TRIOBP: variants seen among roughly 807,000 people sequenced by gnomAD.
TRIOBP encodes the protein TRIO and F-actin binding protein, also known as TRIO and F-actin-binding protein.
Under a neutral mutation model 238.8 loss-of-function variants are expected in TRIOBP, and 169 were observed. The ratio of observed to expected loss-of-function variants is 0.71; its 90% confidence interval spans 0.62 to 0.80. TRIOBP has a LOEUF of 0.80. Among genes scored for constraint, TRIOBP ranks in the 30% least tolerant of loss-of-function variants. The pLI is 0.00. For synonymous variants in TRIOBP, 1,150 were observed against 1,274.4 expected, an observed-to-expected ratio of 0.90 and a Z score of 2.08; for missense variants, 2,838 against 3,122.6, an observed-to-expected ratio of 0.91 and a Z score of 2.17.
In TRIOBP at chr22:37,759,183, G is replaced by A. The variant is rs749289977; in HGVS notation, c.6243G>A (p.Ala2081=). 19 of 1,612,766 alleles carry A rather than the reference G, an allele frequency of 1.2e-5. No homozygotes were observed. The highest frequency in any genetic ancestry group is 1.1e-4 in the African/African-American group (8 of 74,884). The change falls in exon 17 of 24, where the codon GCG becomes GCA. Residue 2081 remains alanine, a synonymous_variant. Transcript: ENST00000644935. The part of the protein sequence containing the change: ...EVQALRAQLE[A]WRLQGEAPQS... ...AGGCTCTTCGGGCCCAGCTGGAGGC[G>A]TGGCGTCTCCAAGGGGAGGCTCCTC...
At chr22:37,758,171 C>A (rs1211299494) in intron 16 of TRIOBP, 33 bp downstream of exon 16, 9 of 1,608,504 alleles carry the variant, frequency 5.6e-6, no homozygotes, top group Non-Finnish European at 6.8e-6. Flanking sequence ...TAGGAGGCCC[C>A]TTGCCCCAGC....
At chr22:37,746,177 G>T (rs1395500769) in intron 11 of TRIOBP, 1 of 992,814 alleles carries the variant, frequency 1.0e-6, no homozygotes, top group Non-Finnish European at 1.2e-6. Context: ...CGGCTTCCCC[G>T]CCACCCATTG....
intron 6 of TRIOBP, among the ~76,000 whole-genome samples, chr22:37,717,828 T>A (rs1003225917): frequency 6.6e-6 from 1 of 152,204 alleles, no homozygotes; most frequent in African/African-American, 2.4e-5. Context: ...GCCAGTCCCA[T>A]GCCATGCGCC....
chr22:37,764,232 T>C (rs1926378138), intron 17 of TRIOBP, among the ~76,000 whole-genome samples: 3 of 152,344 alleles, frequency 2.0e-5, no homozygotes, highest in South Asian at 2.1e-4. Flanking sequence ...GGGAGTAAGA[T>C]GTGGACAACT....
At chr22:37,773,571 C>T (rs1390824527) in intron 23 of TRIOBP, among the ~76,000 whole-genome samples, 1 of 152,292 alleles carries the variant, frequency 6.6e-6, no homozygotes, top group South Asian at 2.1e-4. Flanking sequence ...GGAGCATCCT[C>T]TTTCTGATAA....
chr22:37,765,836 G>GT lies in TRIOBP; in HGVS notation c.6472+19_6472+20insT. On this transcript the variant is annotated intron_variant, in intron 18 of 23. Coordinates refer to ENST00000644935, the MANE Select transcript of TRIOBP (RefSeq NM_001039141.3). ...GCCTCAGGTATGGACCCTGGGGGGG[G>GT]CACAGTGGGCTGGGCTCTGAGCCTC... 1 of 1,584,448 alleles carries GT rather than the reference G, an allele frequency of 6.3e-7. No homozygotes were observed. Among genetic ancestry groups the GT allele is most frequent in the Non-Finnish European group, 8.5e-7 (1 of 1,169,728 alleles).
intron 3 of TRIOBP, among the ~76,000 whole-genome samples, chr22:37,704,219 A>G (rs1922806213): frequency 1.3e-5 from 2 of 152,114 alleles, no homozygotes; most frequent in South Asian, 4.1e-4. Flanking sequence ...CCATCTCTAC[A>G]AAAAATTTAA....
At position 37,734,942 on chromosome 22, in the gene TRIOBP, G is replaced by C. The variant is rs2145842740; in HGVS notation, c.4606G>C (p.Ala1536Pro). The C allele has an allele frequency of 1.9e-6, 3 of 1,613,450 alleles. No individual in the cohort carries two copies. Among genetic ancestry groups the C allele is most frequent in the Non-Finnish European group, 2.5e-6 (3 of 1,180,018 alleles). Residue 1536 changes from alanine to proline, a missense_variant, in exon 9 of 24, where the codon GCT becomes CCT. Coordinates refer to ENST00000644935, the MANE Select transcript of TRIOBP (RefSeq NM_001039141.3). ...SQSWHSGTPTAVGWGAEGACP... is the reference protein window; with the variant it reads ...SQSWHSGTPTPVGWGAEGACP... Reference sequence around the variant, plus strand: ...ATCCTGGCACTCTGGGACACCCACTGCTGTGGGCTGGGGGGCAGAGGGAGC... The same window carrying C: ...ATCCTGGCACTCTGGGACACCCACTCCTGTGGGCTGGGGGGCAGAGGGAGC...
chr22:37,708,897 G>A (rs1923090547), intron 3 of TRIOBP, among the ~76,000 whole-genome samples: 1 of 152,316 alleles, frequency 6.6e-6, no homozygotes, highest in Non-Finnish European at 1.5e-5. Flanking sequence ...GGGTGGTGAC[G>A]GGGGCTGGGG....
chr22:37,751,674 C>A, intron 11 of TRIOBP, 98 bp from the exon 12 acceptor site: 1 of 1,419,438 alleles, frequency 7.0e-7, no homozygotes, highest in Non-Finnish European at 9.9e-7. Context: ...CTCGGTCCCA[C>A]AGGACTTGGG....
intron 3 of TRIOBP, among the ~76,000 whole-genome samples, chr22:37,707,728 G>C (rs1220444086): frequency 6.7e-6 from 1 of 149,632 alleles, no homozygotes; most frequent in Non-Finnish European, 1.5e-5. Flanking sequence ...GATCACCTGA[G>C]GTCAGGAGTT....
chr22:37,763,974 A>T (rs1240278098), intron 17 of TRIOBP, among the ~76,000 whole-genome samples: 1 of 152,102 alleles, frequency 6.6e-6, no homozygotes, highest in Non-Finnish European at 1.5e-5. Context: ...TCATCTTCAA[A>T]GCCTGCAGAG....
rs541288211 is a variant in TRIOBP, at chr22:37,724,909, A to G, written c.2353A>G (p.Arg785Gly). The change falls in exon 7 of 24, where the codon AGA (arginine) becomes GGA (glycine). Residue 785 changes from arginine (R) to glycine (G), a missense_variant. This residue lies in a region of TRIOBP where 2,096 missense variants were observed against 2,137.4 expected (regional missense o/e 0.98). Transcript: ENST00000644935. ...CAATCCCAGGACCTCCTCTCCCAAT[A>G]GAGCCACACGAGACAACCCCAGAAC... The part of the protein sequence containing the change: ...QDNPRTSSPN[R>G]ATRDNPRTSC... The G allele has an allele frequency of 1.2e-6, 2 of 1,612,830 alleles. No individual in the cohort carries two copies. Among genetic ancestry groups the G allele is most frequent in the East Asian group, 4.5e-5 (2 of 44,744 alleles).
Position 37,758,095 on chromosome 22 carries a change from G to A in TRIOBP, c.6170G>A (p.Arg2057His), listed in dbSNP as rs377068258. 93 of 1,611,342 alleles carry A rather than the reference G, an allele frequency of 5.8e-5. 1 individual carries two copies. In the Middle Eastern group the frequency reaches 6.6e-4, roughly 11 times the overall value. The change falls in exon 16 of 24, where the codon CGC becomes CAC. Residue 2057 changes from arginine to histidine, a missense_variant. Arg to His is a conservative substitution (Grantham distance 29, BLOSUM62 0). This residue lies in a region of TRIOBP where 2,096 missense variants were observed against 2,137.4 expected (regional missense o/e 0.98). Transcript: ENST00000644935. ...CTGCTCAACCAAAGCCGCGGAGAGC[G>A]CCGAGGGCCCCCAAGTGACGGCCAC... is the stretch of plus-strand genomic sequence containing the variant. ...TALLNQSRGE[R>H]RGPPSDGHEA...
At position 37,734,438 on chromosome 22, in the gene TRIOBP, C is replaced by T. The variant is rs781187217; in HGVS notation, c.4102C>T (p.Arg1368Trp). The T allele has an allele frequency of 1.1e-5, 17 of 1,613,114 alleles. No homozygotes were observed. The highest frequency in any genetic ancestry group is 1.7e-5 in the Admixed American group (1 of 59,982). ...TGCCAAACAGGCAGAACTGACCCGG[C>T]GGAGCCAAGCAGAGCCCCCTCATCC... ...LPAKQAELTR[R>W]SQAEPPHPWS... The change falls in exon 9 of 24, where the codon CGG (arginine) becomes TGG (tryptophan). Residue 1368 changes from arginine (R) to tryptophan (W), a missense_variant. By Grantham distance (101) the Arg-to-Trp change is moderately radical (BLOSUM62 -3). This residue lies in a region of TRIOBP where 2,096 missense variants were observed against 2,137.4 expected (regional missense o/e 0.98). Coordinates refer to ENST00000644935, the MANE Select transcript of TRIOBP (RefSeq NM_001039141.3).
intron 15 of TRIOBP, among the ~76,000 whole-genome samples, chr22:37,757,315 A>G (rs1047719905): frequency 6.6e-6 from 1 of 152,152 alleles, no homozygotes; most frequent in Non-Finnish European, 1.5e-5. Flanking sequence ...GTGAACTATG[A>G]TCACACCACT....
At position 37,725,336 on chromosome 22, in the gene TRIOBP, C is replaced by G. The variant is rs1924080155; in HGVS notation, c.2780C>G (p.Ser927Cys). Reference sequence around the variant, plus strand: ...CCCCGAACCTCTTCCCCATCTCGCTCCAAGCAAAGCGAGGTTCCCTGGGCA... The same window carrying G: ...CCCCGAACCTCTTCCCCATCTCGCTGCAAGCAAAGCGAGGTTCCCTGGGCA... ...DGPRTSSPSR[S>C]KQSEVPWASI... is the part of the protein sequence containing the mutation. The change falls in exon 7 of 24, where the codon TCC becomes TGC. Residue 927 changes from serine to cysteine, a missense_variant. Coordinates refer to ENST00000644935, the MANE Select transcript of TRIOBP (RefSeq NM_001039141.3). The G allele has an allele frequency of 1.2e-6, 2 of 1,613,642 alleles. No homozygotes were observed. Among genetic ancestry groups the G allele is most frequent in the African/African-American group, 1.3e-5 (1 of 74,888 alleles).
In TRIOBP at chr22:37,758,006, G is replaced by A; in HGVS notation, c.6081G>A (p.Glu2027=). 1 of 1,607,008 alleles carries A rather than the reference G, an allele frequency of 6.2e-7. No homozygotes were observed. The highest frequency in any genetic ancestry group is 1.1e-5 in the South Asian group (1 of 90,186). ...AAAACCGGCTTAGTGAGGAGATCGA[G>A]AAGAAGTGGCAGGAGCTGGAGAAGC... ...DQQNRLSEEI[E]KKWQELEKLP... Residue 2027 remains glutamate (E), a synonymous_variant, in exon 16 of 24, where the codon GAG becomes GAA. Coordinates refer to ENST00000644935, the MANE Select transcript of TRIOBP (RefSeq NM_001039141.3).
intron 11 of TRIOBP, among the ~76,000 whole-genome samples, chr22:37,749,095 C>T (rs1309150532): frequency 1.3e-5 from 2 of 152,108 alleles, no homozygotes; most frequent in African/African-American, 4.8e-5. Context: ...TTATGTGTGC[C>T]TGTAATCCCA....
Sources: allele counts gnomAD v4.1 joint callset (sites outside exome capture counted in the v4.1 genomes callset), GRCh38; gene constraint gnomAD v4.1.1; regional missense constraint gnomAD v4.1.1; transcripts MANE v1.5; gene names NCBI Gene and HGNC (gene_info 2026-07-23, HGNC 2026-07-21).